The following DPH7 variants were observed in gnomAD, a reference collection of about 807,000 sequenced individuals.
The protein encoded by DPH7 is diphthamide biosynthesis 7, also known as diphthine methyltransferase.
Under a neutral mutation model 41.7 loss-of-function variants are expected in DPH7, and 44 were observed. The ratio of observed to expected loss-of-function variants is 1.05; its 90% confidence interval spans 0.83 to 1.36. The LOEUF (loss-of-function observed/expected upper bound fraction) is 1.36, where lower values mean the gene tolerates loss of function less well. Among genes scored for constraint, DPH7 ranks in the 40% most tolerant of loss-of-function variants. DPH7 has a pLI of 0.00. For missense variants in DPH7, 629 were observed against 577.5 expected (o/e 1.09, Z -0.91); for synonymous variants, 275 against 238.0 (o/e 1.16, Z -1.43).
intron 3 of DPH7, chr9:137,575,584 G>C: frequency 2.0e-6 from 2 of 1,000,544 alleles, no homozygotes; most frequent in Non-Finnish European, 2.4e-6. Context: ...GTTTCAGGCT[G>C]TTTACATCAC....
intron 5 of DPH7, among the ~76,000 whole-genome samples, chr9:137,573,062 C>G (rs1231153963): frequency 6.6e-6 from 1 of 152,194 alleles, no homozygotes; most frequent in African/African-American, 2.4e-5. Flanking sequence ...CTATACTTTG[C>G]TCTCTAAAGA....
chr9:137,574,072 A>G, intron 5 of DPH7, 136 bp downstream of exon 5: 1 of 1,026,958 alleles, frequency 9.7e-7, no homozygotes, highest in Non-Finnish European at 1.4e-6. Context: ...TTCAAAAAAA[A>G]AAGTACACTT....
At position 137,577,494 on chromosome 9, in the gene DPH7, G is replaced by A; in HGVS notation, c.263C>T (p.Thr88Ile). The A allele has an allele frequency of 6.2e-7, 1 of 1,614,058 alleles. No homozygotes were observed. Among genetic ancestry groups the A allele is most frequent in the Middle Eastern group, 1.6e-4 (1 of 6,062 alleles). Reference sequence around the variant, plus strand: ...CCATTTCATGTCCAGGATTGCAGAAGTATCTTTTCTTTGGACCTCGACCAG... The same window carrying A: ...CCATTTCATGTCCAGGATTGCAGAAATATCTTTTCTTTGGACCTCGACCAG... ...HPLVEVQRKDTSAILDMKWCH... is the reference protein window; with the variant it reads ...HPLVEVQRKDISAILDMKWCH... The change falls in exon 2 of 9, where the codon ACT (threonine) becomes ATT (isoleucine). Residue 88 changes from threonine to isoleucine, a missense_variant. Physicochemically the swap from Thr to Ile is moderately conservative, Grantham distance 89. Coordinates refer to ENST00000277540, the MANE Select transcript of DPH7 (RefSeq NM_138778.5).
At chr9:137,570,961 C>G (rs1460776503) in intron 5 of DPH7, among the ~76,000 whole-genome samples, 1 of 152,176 alleles carries the variant, frequency 6.6e-6, no homozygotes, top group Non-Finnish European at 1.5e-5. Context: ...GTCTGTCTCC[C>G]CGCCACAGAA....
chr9:137,575,614 G>A (rs775925446), intron 3 of DPH7: 5 of 1,010,564 alleles, frequency 4.9e-6, no homozygotes, highest in South Asian at 8.2e-5. Flanking sequence ...GGACATCCCC[G>A]TTCTCCTCCC....
intron 5 of DPH7, among the ~76,000 whole-genome samples, chr9:137,571,312 G>A (rs946571651): frequency 5.3e-5 from 8 of 151,544 alleles, no homozygotes; most frequent in East Asian, 2.0e-4. Flanking sequence ...TCAGCCTCCC[G>A]AGTAGTTGGG....
intron 8 of DPH7, among the ~76,000 whole-genome samples, chr9:137,562,229 T>C (rs1157518988): frequency 6.6e-6 from 1 of 151,974 alleles, no homozygotes; most frequent in African/African-American, 2.4e-5. Context: ...CTGAACATTA[T>C]AAAGCCGAGA....
At chr9:137,563,307 C>T (rs985295201) in intron 8 of DPH7, among the ~76,000 whole-genome samples, 7 of 152,030 alleles carry the variant, frequency 4.6e-5, no homozygotes, top group Non-Finnish European at 8.8e-5. Flanking sequence ...CCAAGGCAGG[C>T]GGATCACGAG....
At position 137,555,484 on chromosome 9, in the gene DPH7, C is replaced by A; in HGVS notation, c.1114G>T (p.Glu372Ter). The A allele has an allele frequency of 6.2e-7, 1 of 1,614,112 alleles. No homozygotes were observed. Among genetic ancestry groups the A allele is most frequent in the Non-Finnish European group, 8.5e-7 (1 of 1,180,004 alleles). Residue 372 changes from glutamate to a stop codon, truncating the protein, a stop_gained, in exon 9 of 9, where the codon GAG (glutamate) becomes TAG (stop). Coordinates refer to ENST00000277540, the MANE Select transcript of DPH7 (RefSeq NM_138778.5). LOFTEE classifies it low-confidence loss of function (END_TRUNC). ...CATTCATGACAGGGTGTTGGCAACTCGCTTGCACCCTTCAGGTCTGCCGTC... is the reference window on the plus strand; with the variant it reads ...CATTCATGACAGGGTGTTGGCAACTAGCTTGCACCCTTCAGGTCTGCCGTC... Reference protein sequence around the residue: ...TKTADLKGASELPTPCHECRE... With the variant: ...TKTADLKGAS
At chr9:137,561,542 CAA>C (rs557915176) in intron 8 of DPH7, among the ~76,000 whole-genome samples, 9 of 52,270 alleles carry the variant, frequency 1.7e-4, no homozygotes, top group East Asian at 1.4e-3. Flanking sequence ...GACTCCATCT[CAA>C]AAAAAAAAAA....
rs140089301 is a variant in DPH7, at chr9:137,572,505, C to T, written c.640+1703G>A. On this transcript the variant is annotated intron_variant, in intron 5 of 8. Coordinates refer to ENST00000277540, the MANE Select transcript of DPH7 (RefSeq NM_138778.5). Reference sequence around the variant, plus strand: ...AGACTGGAACAGTCAGGAATGAAGGCAGGGCCATCACTTGCTGCTCTGCTG... The same window carrying T: ...AGACTGGAACAGTCAGGAATGAAGGTAGGGCCATCACTTGCTGCTCTGCTG... Among the ~76,000 whole-genome samples, 1,313 of 152,322 alleles carry T rather than the reference C, an allele frequency of 8.6e-3. 13 individuals are homozygous for T. Among genetic ancestry groups the T allele is most frequent in the Non-Finnish European group, 0.015 (1,027 of 68,024 alleles).
intron 8 of DPH7, among the ~76,000 whole-genome samples, chr9:137,563,098 T>G (rs544971200): frequency 6.6e-5 from 10 of 152,050 alleles, no homozygotes; most frequent in African/African-American, 1.9e-4. Context: ...TGAGCTACAA[T>G]TGCACCACCA....
At chr9:137,576,277 C>A (rs371193848) in intron 2 of DPH7, 110 bp from the exon 3 acceptor site, 1 of 910,990 alleles carries the variant, frequency 1.1e-6, no homozygotes, top group African/African-American at 1.6e-5. Context: ...CTGCAGTCCA[C>A]GCAAACCCAG....
In DPH7 at chr9:137,556,925, G is replaced by A. The variant is rs1837611261; in HGVS notation, c.950-1277C>T. The A allele has an allele frequency of 2.2e-6, 1 of 455,690 alleles. No homozygotes were observed. The highest frequency in any genetic ancestry group is 2.0e-5 in the African/African-American group (1 of 49,938). 28.2% of individuals were successfully genotyped at this position (455,690 alleles called of 1,614,324 possible). On this transcript the variant is annotated intron_variant, in intron 8 of 8. Transcript: ENST00000277540. The surrounding 1 kb of genome is among the most constrained non-coding windows in gnomAD (Gnocchi z 5.2). ...ACTGTTGCGACCCCAAGAATGGGAG[G>A]CCCTTTCTGATTAGCCACAGGCCAA...
At chr9:137,569,994 A>C (rs1275982427) in intron 5 of DPH7, among the ~76,000 whole-genome samples, 1 of 145,444 alleles carries the variant, frequency 6.9e-6, no homozygotes, top group Non-Finnish European at 1.5e-5. Flanking sequence ...CCATCCATCC[A>C]GTCACCCACC....
chr9:137,560,077 G>A (rs1005644524), intron 8 of DPH7, among the ~76,000 whole-genome samples: 1 of 152,204 alleles, frequency 6.6e-6, no homozygotes, highest in Non-Finnish European at 1.5e-5. Flanking sequence ...AAAGGCAGGA[G>A]ACCCAGTGTG....
intron 8 of DPH7, among the ~76,000 whole-genome samples, chr9:137,561,848 G>A (rs975571653): frequency 1.3e-5 from 2 of 152,094 alleles, no homozygotes; most frequent in Non-Finnish European, 2.9e-5. Flanking sequence ...AGTTAGAGTT[G>A]GAGGTAGCAA....
chr9:137,558,856 T>A (rs945316839), intron 8 of DPH7, among the ~76,000 whole-genome samples: 1 of 152,122 alleles, frequency 6.6e-6, no homozygotes, highest in African/African-American at 2.4e-5. Context: ...TGACTCAGCC[T>A]CCCAAGTAGC....
At chr9:137,574,117 G>A in intron 5 of DPH7, 91 bp downstream of exon 5, 1 of 1,336,662 alleles carries the variant, frequency 7.5e-7, no homozygotes, top group Non-Finnish European at 1.0e-6. Flanking sequence ...AACATAACTG[G>A]AATCACAGCT....
Sources: gnomAD v4.1 joint callset for allele counts (sites outside exome capture counted in the v4.1 genomes callset) on GRCh38, gnomAD v4.1.1 for gene constraint, Gnocchi (gnomAD v3.1) non-coding constraint, MANE v1.5 for transcripts, NCBI Gene and HGNC (gene_info 2026-07-23, HGNC 2026-07-21) for gene names.